Variants in FBXO36 observed in about 807,000 individuals in gnomAD.
The protein encoded by FBXO36 is F-box only protein 36.
Under a neutral mutation model 17.0 loss-of-function variants are expected in FBXO36, and 18 were observed. The observed-to-expected ratio is 1.06, with a 90% CI of 0.73 to 1.57. FBXO36 has a LOEUF of 1.57. Among genes scored for constraint, FBXO36 ranks in the 40% most tolerant of loss-of-function variants. The probability of loss-of-function intolerance (pLI) is 0.00; values close to 1 mark genes in which losing one functional copy is unlikely to be tolerated. For missense variants in FBXO36, 229 were observed against 221.9 expected (o/e 1.03, Z -0.20); for synonymous variants, 83 against 85.3 (o/e 0.97, Z 0.15).
intron 3 of FBXO36, among the ~76,000 whole-genome samples, chr2:230,008,088 T>C (rs1195647656): frequency 6.6e-6 from 1 of 152,156 alleles, no homozygotes; most frequent in African/African-American, 2.4e-5. Context: ...CTCAGGGGAC[T>C]CTAGAAGGCT....
chr2:230,002,380 TA>T (rs2077363996), intron 3 of FBXO36, among the ~76,000 whole-genome samples: 1 of 149,974 alleles, frequency 6.7e-6, no homozygotes, highest in Non-Finnish European at 1.5e-5. Context: ...CCCCGTACGT[TA>T]ATTTTTTTTT....
At chr2:229,954,185 T>C (rs992525452) in intron 1 of FBXO36, among the ~76,000 whole-genome samples, 5 of 150,614 alleles carry the variant, frequency 3.3e-5, no homozygotes, top group African/African-American at 7.3e-5. Context: ...ATAACTTTGT[T>C]GACTCAATAG....
chr2:229,983,173 C>T (rs891989576), intron 2 of FBXO36, among the ~76,000 whole-genome samples: 8 of 151,742 alleles, frequency 5.3e-5, no homozygotes, highest in Admixed American at 2.6e-4. Flanking sequence ...GCCGGGAGTT[C>T]GAGACCAGCC....
At chr2:229,991,572 C>G (rs537470273) in intron 2 of FBXO36, among the ~76,000 whole-genome samples, 1 of 152,214 alleles carries the variant, frequency 6.6e-6, no homozygotes, top group Non-Finnish European at 1.5e-5. Context: ...AGAATGAAAG[C>G]TACCTTGCTG....
intron 2 of FBXO36, among the ~76,000 whole-genome samples, chr2:229,990,798 T>A (rs1379640472): frequency 2.0e-5 from 3 of 152,234 alleles, no homozygotes; most frequent in Non-Finnish European, 4.4e-5. Flanking sequence ...ACCATATGGA[T>A]TGGTATATAA....
chr2:229,974,486 A>C (rs1426601273), intron 1 of FBXO36, among the ~76,000 whole-genome samples: 1 of 152,208 alleles, frequency 6.6e-6, no homozygotes, highest in Non-Finnish European at 1.5e-5. Context: ...TAGTTAGTAT[A>C]AGGAATGTCG....
intron 1 of FBXO36, among the ~76,000 whole-genome samples, chr2:229,962,728 A>C (rs1414735545): frequency 6.6e-6 from 1 of 151,734 alleles, no homozygotes; most frequent in African/African-American, 2.4e-5. Context: ...TCCAGGCTGG[A>C]GTGCAGTGGT....
rs746203974 is a variant in FBXO36, at chr2:229,976,306, A to C, written c.162A>C (p.Ala54=). 4.3e-6 allele frequency: 7 copies of C among 1,613,846 alleles called. No homozygotes were observed. In the Admixed American group the frequency reaches 1.2e-4, roughly 27 times the overall value. Residue 54 remains alanine, a synonymous_variant, in exon 2 of 4, where the codon GCA becomes GCC. Coordinates refer to ENST00000283946, the MANE Select transcript of FBXO36 (RefSeq NM_174899.5). ...ATCGATCAACAAAACCTGGAGAAGC[A>C]AAAGAAACCCATGAAGACTTCCTAG... is the stretch of plus-strand genomic sequence containing the variant. ...SEYRSTKPGE[A]KETHEDFLEN...
intron 1 of FBXO36, among the ~76,000 whole-genome samples, chr2:229,954,234 ATTTTTTTTTT>A (rs60093081): frequency 2.8e-5 from 2 of 71,374 alleles, no homozygotes; most frequent in Non-Finnish European, 5.1e-5. Context: ...AACCCTTTGG[ATTTTTTTTTT>A]TTTTTTTTTT....
intron 2 of FBXO36, among the ~76,000 whole-genome samples, chr2:229,986,817 G>A (rs890653816): frequency 2.6e-5 from 4 of 151,868 alleles, no homozygotes; most frequent in African/African-American, 4.8e-5. Context: ...TTATAGGTGT[G>A]AGCCACCACA....
intron 1 of FBXO36, among the ~76,000 whole-genome samples, chr2:229,953,781 A>G (rs1253729048): frequency 2.0e-5 from 3 of 152,212 alleles, no homozygotes; most frequent in Non-Finnish European, 2.9e-5. Context: ...TAGTGAAATG[A>G]GAATCCTGTA....
chr2:229,989,461 T>C (rs1416501148), intron 2 of FBXO36, among the ~76,000 whole-genome samples: 10 of 152,068 alleles, frequency 6.6e-5, no homozygotes, highest in Non-Finnish European at 1.2e-4. Context: ...TTCTCCATGT[T>C]GGTCAGGCTG....
chr2:229,934,511 C>T (rs932533077), intron 1 of FBXO36, among the ~76,000 whole-genome samples: 4 of 152,148 alleles, frequency 2.6e-5, no homozygotes. Context: ...TTTCCCTGAG[C>T]ATCTTTAGGG....
At chr2:229,979,636 C>T (rs982203305) in intron 2 of FBXO36, among the ~76,000 whole-genome samples, 5 of 151,306 alleles carry the variant, frequency 3.3e-5, no homozygotes, top group African/African-American at 9.7e-5. Context: ...AAAAATTAGC[C>T]GGGTGTGGTT....
chr2:229,984,564 A>G (rs1199414713), intron 2 of FBXO36, among the ~76,000 whole-genome samples: 1 of 150,872 alleles, frequency 6.6e-6, no homozygotes, highest in Non-Finnish European at 1.5e-5. Flanking sequence ...AATTTTTTAT[A>G]TTTTTAGTAG....
intron 2 of FBXO36, among the ~76,000 whole-genome samples, chr2:229,980,281 G>A (rs112961026): frequency 0.028 from 4,174 of 146,602 alleles, 215 homozygotes; most frequent in African/African-American, 0.096. Context: ...GGCTGGTCTC[G>A]AACTCCTGGC....
intron 1 of FBXO36, among the ~76,000 whole-genome samples, chr2:229,964,487 G>C (rs2077140592): frequency 6.6e-6 from 1 of 152,140 alleles, no homozygotes; most frequent in African/African-American, 2.4e-5. Context: ...AATGCTTTGA[G>C]ATTCAACTGT....
At chr2:229,980,566 G>A (rs2077233152) in intron 2 of FBXO36, among the ~76,000 whole-genome samples, 1 of 152,138 alleles carries the variant, frequency 6.6e-6, no homozygotes, top group Middle Eastern at 3.4e-3. Flanking sequence ...TCTCTTGCCT[G>A]CTCCAGGCAC....
rs1050236187 is a variant in FBXO36 at position 229,946,524 on chromosome 2, A to G, written c.96+23915A>G. Among the ~76,000 whole-genome samples, 14 of 152,218 alleles carry G rather than the reference A, an allele frequency of 9.2e-5. No homozygotes were observed. The South Asian group carries it at 2.3e-3, about 25-fold the overall frequency. Reference sequence around the variant, plus strand: ...GTCTTAAACATCCAGTTAACTCTGGATAGTGACAGCCAACAACATGGAGTC... The same window carrying G: ...GTCTTAAACATCCAGTTAACTCTGGGTAGTGACAGCCAACAACATGGAGTC... On this transcript the variant is annotated intron_variant, in intron 1 of 3. Coordinates refer to ENST00000283946, the MANE Select transcript of FBXO36 (RefSeq NM_174899.5).
Sources: allele counts gnomAD v4.1 joint callset (sites outside exome capture counted in the v4.1 genomes callset), GRCh38; gene constraint gnomAD v4.1.1; transcripts MANE v1.5; gene names NCBI Gene and HGNC (gene_info 2026-07-23, HGNC 2026-07-21).